The following BNC2 variants were observed in gnomAD, a reference collection of about 807,000 sequenced individuals.
The protein encoded by BNC2 is zinc finger protein basonuclin-2.
BNC2 carries 20 observed loss-of-function variants against 76.3 expected under a neutral mutation model. That is an observed-to-expected ratio of 0.26 (90% CI 0.18 to 0.38). The LOEUF is 0.38. BNC2 is among the 10% of genes least tolerant of loss of function. The probability of loss-of-function intolerance (pLI) is 1.00; values close to 1 mark genes in which losing one functional copy is unlikely to be tolerated. For missense variants in BNC2, 1,382 were observed against 1,399.8 expected (o/e 0.99, Z 0.20); for synonymous variants, 582 against 514.8 (o/e 1.13, Z -1.77).
intron 5 of BNC2, among the ~76,000 whole-genome samples, chr9:16,505,678 G>C (rs977787806): frequency 2.0e-5 from 3 of 152,096 alleles, no homozygotes; most frequent in African/African-American, 7.2e-5. Context: ...GAAAGATTCT[G>C]AGTCCTTATC....
rs2132182487 is a variant in BNC2 at position 16,528,359 on chromosome 9, T to A, written c.669+24171A>T. ...TTTTCAGTTCCTAGAGAAACGAAAA[T>A]ACAAAAACTTGTTGAGGATATTTAT... is the stretch of plus-strand genomic sequence containing the variant. On this transcript the variant is annotated intron_variant, in intron 5 of 6. Transcript: ENST00000380672. Among the ~76,000 whole-genome samples the A allele has an allele frequency of 2.0e-5, 3 of 152,246 alleles. No individual in the cohort carries two copies. In the East Asian group the frequency reaches 5.8e-4, roughly 29 times the overall value.
chr9:16,536,864 T>TA (rs1338147419), intron 5 of BNC2, among the ~76,000 whole-genome samples: 3 of 152,182 alleles, frequency 2.0e-5, no homozygotes, highest in Non-Finnish European at 4.4e-5. Context: ...AAGCAGTTTT[T>TA]ATTACCTGTT....
chr9:16,711,798 G>A (rs1045695746), intron 3 of BNC2, among the ~76,000 whole-genome samples: 2 of 152,168 alleles, frequency 1.3e-5, no homozygotes, highest in Non-Finnish European at 2.9e-5. Context: ...AGGAAGGCAG[G>A]ACAGAGTCTG....
chr9:16,857,445 C>T (rs763537385), intron 1 of BNC2, among the ~76,000 whole-genome samples: 102 of 133,562 alleles, frequency 7.6e-4, no homozygotes, highest in Non-Finnish European at 1.4e-3. Context: ...CCACTGCACA[C>T]CAGCCTGGGC....
chr9:16,771,671 A>G (rs184087108), intron 1 of BNC2, among the ~76,000 whole-genome samples: 3 of 152,334 alleles, frequency 2.0e-5, no homozygotes, highest in African/African-American at 7.2e-5. Context: ...AGGACATTCA[A>G]CTTGATAAAG....
At chr9:16,547,518 A>G (rs1010392451) in intron 5 of BNC2, among the ~76,000 whole-genome samples, 2 of 152,232 alleles carry the variant, frequency 1.3e-5, no homozygotes, top group African/African-American at 2.4e-5. Flanking sequence ...GGCCAGAAAA[A>G]TAAACATTTT....
chr9:16,648,904 C>T (rs1332074656), intron 3 of BNC2, among the ~76,000 whole-genome samples: 1 of 152,174 alleles, frequency 6.6e-6, no homozygotes, highest in African/African-American at 2.4e-5. Context: ...GTATGAGGTA[C>T]TCAAACTATG....
chr9:16,432,609 C>T (rs1184696878), intron 6 of BNC2, among the ~76,000 whole-genome samples: 1 of 152,166 alleles, frequency 6.6e-6, no homozygotes, highest in Admixed American at 6.5e-5. Flanking sequence ...TGACAGGAAT[C>T]CTAGAAACCC....
chr9:16,674,750 AC>A (rs1309428919), intron 3 of BNC2, among the ~76,000 whole-genome samples: 1 of 152,190 alleles, frequency 6.6e-6, no homozygotes, highest in Non-Finnish European at 1.5e-5. Context: ...CCAAGAAGGC[AC>A]TTAAAGATGG....
chr9:16,512,068 C>T (rs1822770184), intron 5 of BNC2, among the ~76,000 whole-genome samples: 1 of 152,046 alleles, frequency 6.6e-6, no homozygotes, highest in Non-Finnish European at 1.5e-5. Context: ...TCTATTTTAC[C>T]TATTAATCTA....
intron 4 of BNC2, among the ~76,000 whole-genome samples, chr9:16,582,534 A>G (rs1247829630): frequency 6.6e-6 from 1 of 152,158 alleles, no homozygotes; most frequent in African/African-American, 2.4e-5. Context: ...AGACCATACA[A>G]CATTTAACAT....
rs1160187728 is a variant in BNC2, at chr9:16,641,109, G to A, written c.331-58024C>T. 7.9e-5 allele frequency among the ~76,000 whole-genome samples: 12 copies of A among 152,136 alleles called. 1 individual carries two copies. ...GTAACTACTGGAAAATACAAAGAAT[G>A]AAGGCTTTGTTCTATGTTGTAGAAA... On this transcript the variant is annotated intron_variant, in intron 3 of 6. Transcript: ENST00000380672.
chr9:16,500,847 G>A (rs981058708), intron 5 of BNC2, among the ~76,000 whole-genome samples: 3 of 152,214 alleles, frequency 2.0e-5, no homozygotes, highest in African/African-American at 7.2e-5. Flanking sequence ...TTGCAGGAAT[G>A]AGACAGGTGG....
At chr9:16,719,897 T>A (rs999091858) in intron 3 of BNC2, among the ~76,000 whole-genome samples, 2 of 152,248 alleles carry the variant, frequency 1.3e-5, no homozygotes, top group Non-Finnish European at 2.9e-5. Context: ...CTGCCCTTGG[T>A]ATCTTTTCCT....
At chr9:16,638,875 A>C (rs1304334037) in intron 3 of BNC2, among the ~76,000 whole-genome samples, 1 of 152,198 alleles carries the variant, frequency 6.6e-6, no homozygotes, top group Non-Finnish European at 1.5e-5. Context: ...TATGATTCTC[A>C]GTAGGGAATG....
At chr9:16,707,126 C>T (rs895487545) in intron 3 of BNC2, among the ~76,000 whole-genome samples, 49 of 151,392 alleles carry the variant, frequency 3.2e-4, no homozygotes, top group South Asian at 6.4e-4. Flanking sequence ...GGTGTGAATC[C>T]GGGAGGCGGA....
At chr9:16,785,726 C>T (rs1276573384) in intron 1 of BNC2, among the ~76,000 whole-genome samples, 6 of 150,986 alleles carry the variant, frequency 4.0e-5, no homozygotes, top group Non-Finnish European at 8.8e-5. Context: ...GCAGGCTGGG[C>T]GCATCCATTC....
intron 3 of BNC2, among the ~76,000 whole-genome samples, chr9:16,658,694 G>A (rs980781304): frequency 6.6e-6 from 1 of 151,980 alleles, no homozygotes; most frequent in South Asian, 2.1e-4. Context: ...TAAACAACTT[G>A]GTCTGTCTCT....
chr9:16,661,181 G>C (rs1365820331), intron 3 of BNC2, among the ~76,000 whole-genome samples: 2 of 152,150 alleles, frequency 1.3e-5, no homozygotes, highest in Non-Finnish European at 2.9e-5. Flanking sequence ...GAAGGTGTGA[G>C]CCCTTACCTC....
Sources: gnomAD v4.1 joint callset for allele counts (sites outside exome capture counted in the v4.1 genomes callset) on GRCh38, gnomAD v4.1.1 for gene constraint, MANE v1.5 for transcripts, NCBI Gene and HGNC (gene_info 2026-07-23, HGNC 2026-07-21) for gene names.